Variants in VPS35L observed in about 807,000 individuals in gnomAD.
VPS35L encodes VPS35 endosomal protein sorting factor like.
A neutral mutation model predicts 133.0 loss-of-function variants in VPS35L; 83 were observed. The ratio of observed to expected loss-of-function variants is 0.62; its 90% CI spans 0.52 to 0.75. The LOEUF (loss-of-function observed/expected upper bound fraction) is 0.75, where lower values mean the gene tolerates loss of function less well. Ranked by LOEUF, VPS35L falls within the 30% of genes least tolerant of loss-of-function variation. The probability of loss-of-function intolerance (pLI) is 0.00; values close to 1 mark genes in which losing one functional copy is unlikely to be tolerated. For synonymous variants in VPS35L, 423 were observed against 449.9 expected (o/e 0.94, Z 0.76); for missense variants, 1,083 against 1,206.8 (o/e 0.90, Z 1.52).
intron 28 of VPS35L, among the ~76,000 whole-genome samples, chr16:19,689,779 A>G (rs557599718): frequency 7.2e-5 from 11 of 152,310 alleles, no homozygotes; most frequent in South Asian, 4.1e-4. Flanking sequence ...CCATTACTAT[A>G]TAGGAAAAAG....
chr16:19,561,301 G>A (rs546458294), intron 1 of VPS35L, among the ~76,000 whole-genome samples: 1 of 152,296 alleles, frequency 6.6e-6, no homozygotes, highest in South Asian at 2.1e-4. Flanking sequence ...AACCTGGGAG[G>A]CGGAGCTTGC....
chr16:19,564,611 C>T (rs569836054), intron 1 of VPS35L, among the ~76,000 whole-genome samples: 21 of 152,252 alleles, frequency 1.4e-4, no homozygotes, highest in Non-Finnish European at 2.8e-4. Context: ...GTTGGCCAGG[C>T]TGGTCTCAAA....
At chr16:19,625,117 A>G (rs187849622) in intron 14 of VPS35L, among the ~76,000 whole-genome samples, 24 of 152,234 alleles carry the variant, frequency 1.6e-4, no homozygotes, top group Non-Finnish European at 3.1e-4. Flanking sequence ...CGGGGAAAAT[A>G]GACTTCAAAC....
intron 8 of VPS35L, among the ~76,000 whole-genome samples, chr16:19,600,685 A>G (rs1972355317): frequency 6.6e-6 from 1 of 152,198 alleles, no homozygotes; most frequent in Non-Finnish European, 1.5e-5. Flanking sequence ...TTCTAGTTGA[A>G]TCTCAAATTC....
chr16:19,585,624 T>G (rs1971841149), intron 7 of VPS35L, among the ~76,000 whole-genome samples: 1 of 151,986 alleles, frequency 6.6e-6, no homozygotes, highest in Non-Finnish European at 1.5e-5. Flanking sequence ...AGTCTGGTCT[T>G]GAACTCCTGG....
chr16:19,614,196 G>A (rs1263773428), intron 12 of VPS35L, among the ~76,000 whole-genome samples: 1 of 152,268 alleles, frequency 6.6e-6, no homozygotes, highest in East Asian at 1.9e-4. Context: ...AGGAGAATCA[G>A]AACACTGTAG....
chr16:19,577,053 C>T (rs1971562595), intron 5 of VPS35L, among the ~76,000 whole-genome samples: 2 of 152,152 alleles, frequency 1.3e-5, no homozygotes, highest in East Asian at 1.9e-4. Context: ...GTAAATCATA[C>T]CCACCAGTTT....
intron 18 of VPS35L, among the ~76,000 whole-genome samples, chr16:19,632,747 G>A (rs114308358): frequency 0.024 from 3,637 of 152,338 alleles, 85 homozygotes; most frequent in African/African-American, 0.056. Context: ...GCAGTCTTCC[G>A]CAGTGCTTCA....
rs768315937 is a variant in VPS35L at position 19,579,198 on chromosome 16, C to G, written c.510+70C>G. ...CTTCCTCCTGCCAAGTGAGATCAAC[C>G]TCGGTGGCTGCTCTTTGATTAATTC... On this transcript the variant is annotated intron_variant, in intron 6 of 30. Coordinates refer to ENST00000417362, the MANE Select transcript of VPS35L (RefSeq NM_020314.7). The G allele has an allele frequency of 5.8e-6, 8 of 1,383,744 alleles. No individual in the cohort carries two copies. In the African/African-American group the frequency reaches 1.1e-4, roughly 20 times the overall value. The allele number at this position is 1,383,744 out of a possible 1,614,324, so 85.7% of individuals were successfully genotyped here.
chr16:19,664,577 G>GA (rs112360501), intron 26 of VPS35L, among the ~76,000 whole-genome samples: 80 of 136,290 alleles, frequency 5.9e-4, no homozygotes, highest in Non-Finnish European at 6.2e-4. Flanking sequence ...AATATAAGCA[G>GA]AAAAAAAAAA....
At chr16:19,557,308 T>C (rs928517758) in intron 1 of VPS35L, among the ~76,000 whole-genome samples, 2 of 152,218 alleles carry the variant, frequency 1.3e-5, no homozygotes, top group Non-Finnish European at 2.9e-5. Context: ...TTTAATTTTA[T>C]ATTACAAGCA....
intron 29 of VPS35L, among the ~76,000 whole-genome samples, chr16:19,698,957 C>G (rs1464311144): frequency 6.6e-6 from 1 of 152,132 alleles, no homozygotes; most frequent in Non-Finnish European, 1.5e-5. Flanking sequence ...CCTCTCACAT[C>G]AGATGATTGA....
At chr16:19,635,059 G>T (rs996785973) in intron 19 of VPS35L, among the ~76,000 whole-genome samples, 2 of 152,170 alleles carry the variant, frequency 1.3e-5, no homozygotes, top group Admixed American at 1.3e-4. Flanking sequence ...TATCACCATG[G>T]CCAGGCTCCA....
At chr16:19,643,142 A>G (rs1479017479) in intron 22 of VPS35L, among the ~76,000 whole-genome samples, 2 of 152,204 alleles carry the variant, frequency 1.3e-5, no homozygotes, top group Non-Finnish European at 1.5e-5. Context: ...TGCATTTTAG[A>G]ATCTTCACTT....
At chr16:19,615,130 G>C (rs13331599) in intron 12 of VPS35L, among the ~76,000 whole-genome samples, 21,076 of 152,108 alleles carry the variant, frequency 0.14, 4,760 homozygotes, top group African/African-American at 0.47. Context: ...CTTTGTGCTT[G>C]GTCTAATAAG....
At chr16:19,656,057 G>A (rs984515443) in intron 26 of VPS35L, among the ~76,000 whole-genome samples, 5 of 152,088 alleles carry the variant, frequency 3.3e-5, no homozygotes, top group Admixed American at 3.3e-4. Context: ...GAGGTCAGGA[G>A]TTCAAGACCA....
chr16:19,700,455 C>T lies in VPS35L; in HGVS notation c.2871C>T (p.Leu957=), dbSNP rs1976088195. 1 of 1,614,056 alleles carries T rather than the reference C, an allele frequency of 6.2e-7. No individual in the cohort carries two copies. Among genetic ancestry groups the T allele is most frequent in the Admixed American group, 1.7e-5 (1 of 60,002 alleles). The change falls in exon 31 of 31, where the codon CTC becomes CTT. Residue 957 remains leucine (L), a synonymous_variant. Transcript: ENST00000417362. ...ATCTGACGGAGCTGGCCCTCAGACT[C>T]CCTCTGCAAACAAGGACCTGACCCC... ...MTHLTELALR[L]PLQTRT
At chr16:19,596,510 A>G (rs1972220800) in intron 8 of VPS35L, among the ~76,000 whole-genome samples, 1 of 151,868 alleles carries the variant, frequency 6.6e-6, no homozygotes, top group African/African-American at 2.4e-5. Flanking sequence ...CCTGGAGTCA[A>G]GCCATCCTCC....
intron 9 of VPS35L, among the ~76,000 whole-genome samples, chr16:19,605,580 C>T (rs913513099): frequency 2.0e-5 from 3 of 152,192 alleles, no homozygotes; most frequent in African/African-American, 7.2e-5. Flanking sequence ...GTTATACCTA[C>T]CTCAGGGCCT....
Sources: allele counts gnomAD v4.1 joint callset (sites outside exome capture counted in the v4.1 genomes callset), GRCh38; gene constraint gnomAD v4.1.1; transcripts MANE v1.5; gene names NCBI Gene and HGNC (gene_info 2026-07-23, HGNC 2026-07-21).